DNAH11: variants seen among roughly 807,000 people sequenced by gnomAD.
DNAH11 encodes the protein axonemal beta dynein heavy chain 11.
A neutral mutation model predicts 526.0 loss-of-function variants in DNAH11; 442 were observed. The ratio of observed to expected loss-of-function variants is 0.84; its 90% confidence interval spans 0.78 to 0.91. DNAH11 has a LOEUF of 0.91. Ranked by LOEUF, DNAH11 falls within the 40% of genes least tolerant of loss-of-function variation. DNAH11 has a pLI of 0.00. For synonymous variants in DNAH11, 2,461 were observed against 1,935.9 expected (o/e 1.27, Z -7.12); for missense variants, 6,989 against 5,448.7 (o/e 1.28, Z -8.90).
intron 2 of DNAH11, among the ~76,000 whole-genome samples, chr7:21,548,625 A>C (rs6964767): frequency 0.36 from 55,173 of 152,052 alleles, 10,105 homozygotes; most frequent in Non-Finnish European, 0.39. Context: ...TCCAACTGGA[A>C]GGTAACAGGT....
intron 1 of DNAH11, 137 bp from the exon 2 acceptor site, chr7:21,544,869 G>A: frequency 1.6e-6 from 1 of 636,584 alleles, no homozygotes; most frequent in Non-Finnish European, 2.6e-6. Context: ...AAGAGCCGTA[G>A]AAGGACCTTG....
At chr7:21,652,656 A>G (rs1357970170) in intron 28 of DNAH11, among the ~76,000 whole-genome samples, 1 of 152,146 alleles carries the variant, frequency 6.6e-6, no homozygotes, top group East Asian at 1.9e-4. Flanking sequence ...GATCATTCAG[A>G]TTGCATAACG....
intron 76 of DNAH11, among the ~76,000 whole-genome samples, chr7:21,889,063 C>T (rs899702273): frequency 7.2e-5 from 11 of 152,058 alleles, no homozygotes; most frequent in Middle Eastern, 3.4e-3. Flanking sequence ...GTTTCCCACC[C>T]CATATTCCCC....
intron 68 of DNAH11, among the ~76,000 whole-genome samples, chr7:21,861,459 G>T (rs569911503): frequency 1.3e-5 from 2 of 152,268 alleles, no homozygotes; most frequent in African/African-American, 4.8e-5. Flanking sequence ...ATTTCTTGTG[G>T]TTACACAAGA....
At position 21,737,139 on chromosome 7, in the gene DNAH11, G is replaced by A. The variant is rs540098338; in HGVS notation, c.7645+1295G>A. Among the ~76,000 whole-genome samples the A allele has an allele frequency of 7.9e-5, 12 of 152,288 alleles. No individual in the cohort carries two copies. In the South Asian group the frequency reaches 2.5e-3, roughly 32 times the overall value. ...TATGATTTCAAACATTTGAGCTGGG[G>A]CAACAAATGGGCAAAGAAGATTAGG... On this transcript the variant is annotated intron_variant, in intron 46 of 81. Coordinates refer to ENST00000409508, the MANE Select transcript of DNAH11 (RefSeq NM_001277115.2).
chr7:21,750,684 G>A (rs1259471764), intron 54 of DNAH11, among the ~76,000 whole-genome samples: 1 of 152,178 alleles, frequency 6.6e-6, no homozygotes, highest in East Asian at 1.9e-4. Context: ...ACAGTGCTGT[G>A]GGATTGCAGA....
chr7:21,901,402 G>GAAAAAAATACTAGAAACTAACT lies in DNAH11; in HGVS notation c.*149_*170dup. The stretch of plus-strand genomic sequence containing the variant: ...AACGCTATCCTTAGAGTGAAAGTCA[G>GAAAAAAATACTAGAAACTAACT]AAAAAAATACTAGAAACTAACTCAG... On this transcript the variant is annotated 3_prime_UTR_variant, in exon 82 of 82. Coordinates refer to ENST00000409508, the MANE Select transcript of DNAH11 (RefSeq NM_001277115.2). The GAAAAAAATACTAGAAACTAACT allele has an allele frequency of 8.7e-7, 1 of 1,154,726 alleles. No individual in the cohort carries two copies. The highest frequency in any genetic ancestry group is 1.1e-6 in the Non-Finnish European group (1 of 887,798). 71.5% of individuals were successfully genotyped at this position (1,154,726 alleles called of 1,614,324 possible). A position where few individuals can be genotyped will look rare whatever the true frequency, so the allele number is the denominator to read the frequency against.
intron 28 of DNAH11, among the ~76,000 whole-genome samples, chr7:21,645,149 A>G (rs1787295120): frequency 6.6e-6 from 1 of 152,196 alleles, no homozygotes; most frequent in African/African-American, 2.4e-5. Context: ...ATTAAATGTT[A>G]CAAATGTGGG....
intron 61 of DNAH11, among the ~76,000 whole-genome samples, chr7:21,796,470 A>G (rs538537386): frequency 6.6e-6 from 1 of 152,338 alleles, no homozygotes; most frequent in African/African-American, 2.4e-5. Context: ...AAAACAAAAG[A>G]AAGTCAAGGA....
chr7:21,782,693 C>G (rs10245930), intron 57 of DNAH11, among the ~76,000 whole-genome samples: 55,167 of 151,928 alleles, frequency 0.36, 10,334 homozygotes, highest in East Asian at 0.5. Context: ...AGGCGGATAA[C>G]TTGAGGTCAG....
intron 67 of DNAH11, 36 bp downstream of exon 67, chr7:21,852,667 G>A: frequency 2.6e-6 from 4 of 1,534,572 alleles, no homozygotes; most frequent in Middle Eastern, 1.8e-4. Flanking sequence ...AGATTCTAAT[G>A]CTCTGTTCGA....
chr7:21,890,206 C>T (rs192760112), intron 76 of DNAH11, among the ~76,000 whole-genome samples: 2 of 152,176 alleles, frequency 1.3e-5, no homozygotes, highest in African/African-American at 2.4e-5. Flanking sequence ...GGCCACCAAC[C>T]CATTAAGTGA....
At chr7:21,685,818 A>C (rs1015201561) in intron 32 of DNAH11, among the ~76,000 whole-genome samples, 1 of 152,190 alleles carries the variant, frequency 6.6e-6, no homozygotes, top group African/African-American at 2.4e-5. Flanking sequence ...GTGAAAGGGG[A>C]AAAAAGAGAG....
chr7:21,700,417 T>A (rs1784007549), intron 36 of DNAH11, among the ~76,000 whole-genome samples: 1 of 152,170 alleles, frequency 6.6e-6, no homozygotes, highest in Non-Finnish European at 1.5e-5. Flanking sequence ...ATGAAAATGG[T>A]GAAGATACTT....
intron 25 of DNAH11, among the ~76,000 whole-genome samples, chr7:21,624,905 A>AG (rs1786257711): frequency 6.6e-6 from 1 of 151,940 alleles, no homozygotes; most frequent in African/African-American, 2.4e-5. Context: ...ATGGTGAATG[A>AG]TCTTTTTTAG....
Position 21,731,206 on chromosome 7 carries a change from A to G in DNAH11, c.7441-4434A>G, listed in dbSNP as rs143549530. Among the ~76,000 whole-genome samples, 64 of 152,306 alleles carry G rather than the reference A, an allele frequency of 4.2e-4. No individual in the cohort carries two copies. The East Asian group carries it at 4.4e-3, about 11-fold the overall frequency. On this transcript the variant is annotated intron_variant, in intron 45 of 81. Coordinates refer to ENST00000409508, the MANE Select transcript of DNAH11 (RefSeq NM_001277115.2). ...ATTTGCTGGATTTAGCCATTGTACA[A>G]TATATACATATTTCAAAACATCAGG...
In DNAH11 at chr7:21,645,697, TAAATCAGATATCTAA is replaced by T. The variant is rs1367944379; in HGVS notation, c.4944+6649_4944+6663del. ...CTACTATATCTAAAAATCAGATATC[TAAATCAGATATCTAA>T]AAATCAGATATCTAAATCAGATATC... is the stretch of plus-strand genomic sequence containing the variant. On this transcript the variant is annotated intron_variant, in intron 28 of 81. Coordinates refer to ENST00000409508, the MANE Select transcript of DNAH11 (RefSeq NM_001277115.2). 1.0e-4 allele frequency among the ~76,000 whole-genome samples: 15 copies of T among 149,600 alleles called. No homozygotes were observed. The South Asian group carries it at 2.1e-3, about 21-fold the overall frequency.
chr7:21,601,258 T>A, intron 17 of DNAH11, 79 bp downstream of exon 17: 1 of 1,490,008 alleles, frequency 6.7e-7, no homozygotes, highest in Non-Finnish European at 9.0e-7. Flanking sequence ...TTAAGCGTAT[T>A]AATGTTGCCA....
intron 68 of DNAH11, among the ~76,000 whole-genome samples, chr7:21,859,674 C>T (rs1344778453): frequency 6.6e-6 from 1 of 151,934 alleles, no homozygotes; most frequent in African/African-American, 2.4e-5. Context: ...TCCCTATCAT[C>T]CAAAAATAAA....
Sources: allele counts gnomAD v4.1 joint callset (sites outside exome capture counted in the v4.1 genomes callset), GRCh38; gene constraint gnomAD v4.1.1; transcripts MANE v1.5; gene names NCBI Gene and HGNC (gene_info 2026-07-23, HGNC 2026-07-21).